Variants in CADPS observed in about 807,000 individuals in gnomAD.
The protein encoded by CADPS is calcium dependent secretion activator.
CADPS carries 57 observed loss-of-function variants against 167.3 expected under a neutral mutation model. That is an observed-to-expected ratio of 0.34 (90% CI 0.28 to 0.42). CADPS has a LOEUF of 0.42. Ranked by LOEUF, CADPS falls within the 20% of genes least tolerant of loss-of-function variation. The probability of loss-of-function intolerance (pLI) is 1.00; values close to 1 mark genes in which losing one functional copy is unlikely to be tolerated. For missense variants in CADPS, 1,414 were observed against 1,738.1 expected (o/e 0.81, Z 3.32); for synonymous variants, 676 against 635.3 (o/e 1.06, Z -0.96).
chr3:62,533,149 G>T, intron 12 of CADPS, 91 bp from the exon 13 acceptor site: 1 of 1,079,952 alleles, frequency 9.3e-7, no homozygotes. Context: ...GAAGGGGACT[G>T]AAAAATAGCC....
At chr3:62,475,204 T>C (rs1173525420) in intron 23 of CADPS, among the ~76,000 whole-genome samples, 1 of 152,168 alleles carries the variant, frequency 6.6e-6, no homozygotes, top group African/African-American at 2.4e-5. Flanking sequence ...TAGCCTGACA[T>C]GGCCAGCTGG....
intron 17 of CADPS, among the ~76,000 whole-genome samples, chr3:62,502,729 T>C (rs1421034726): frequency 6.6e-6 from 1 of 152,074 alleles, no homozygotes; most frequent in Non-Finnish European, 1.5e-5. Context: ...AGAGGAATGA[T>C]GAAAGTTTAC....
chr3:62,494,196 G>A (rs2151149004), intron 18 of CADPS, among the ~76,000 whole-genome samples: 1 of 152,292 alleles, frequency 6.6e-6, no homozygotes, highest in African/African-American at 2.4e-5. Flanking sequence ...GAACCGATGA[G>A]GTTTTATTGT....
In CADPS at chr3:62,771,383, T is replaced by A. The variant is rs1293155453; in HGVS notation, c.442-5399A>T. 2.6e-5 allele frequency among the ~76,000 whole-genome samples: 4 copies of A among 152,290 alleles called. No homozygotes were observed. In the East Asian group the frequency reaches 7.7e-4, roughly 30 times the overall value. ...TTCTTAACACCCTTTGCCAACTGCA[T>A]GAGTGAATGAAAATCTTACTTAGAA... On this transcript the variant is annotated intron_variant, in intron 1 of 29. Coordinates refer to ENST00000383710, the MANE Select transcript of CADPS (RefSeq NM_003716.4).
rs568232900 is a variant in CADPS at position 62,446,049 on chromosome 3, T to C, written c.3637-252A>G. ...GTTGCTGGAGCGGGAGCTTTACATT[T>C]TCCTCCCTCCCTCTGAAAAAAAGTA... On this transcript the variant is annotated intron_variant, in intron 26 of 29. Transcript: ENST00000383710. The surrounding 1 kb of genome is among the most constrained non-coding windows in gnomAD (Gnocchi z 4.9). Among the ~76,000 whole-genome samples, 13 of 152,330 alleles carry C rather than the reference T, an allele frequency of 8.5e-5. No individual in the cohort carries two copies. The highest frequency in any genetic ancestry group is 7.2e-4 in the Admixed American group (11 of 15,304).
At chr3:62,471,455 T>A in intron 24 of CADPS, among the ~76,000 whole-genome samples, 1 of 152,158 alleles carries the variant, frequency 6.6e-6, no homozygotes, top group African/African-American at 2.4e-5. Context: ...ATACCTTTTT[T>A]TATATTCTCA....
chr3:62,593,664 A>T (rs1442963153), intron 6 of CADPS, among the ~76,000 whole-genome samples: 1 of 152,052 alleles, frequency 6.6e-6, no homozygotes, highest in Non-Finnish European at 1.5e-5. Context: ...GCCATCTCAG[A>T]CCTGTTACAT....
rs529004396 is a variant in CADPS at position 62,719,545 on chromosome 3, G to A, written c.888+33896C>T. Among the ~76,000 whole-genome samples, 3 of 152,324 alleles carry A rather than the reference G, an allele frequency of 2.0e-5. No homozygotes were observed. In the South Asian group the frequency reaches 6.2e-4, roughly 32 times the overall value. On this transcript the variant is annotated intron_variant, in intron 3 of 29. Transcript: ENST00000383710. ...TCTTCCTCAATGATCTGTATGGTAT[G>A]CAGTGCAAGGACTTTACCTGTGTTT... is the stretch of plus-strand genomic sequence containing the variant.
intron 17 of CADPS, among the ~76,000 whole-genome samples, chr3:62,511,893 TAA>T (rs1325707515): frequency 6.6e-6 from 1 of 152,156 alleles, no homozygotes; most frequent in African/African-American, 2.4e-5. Context: ...ATTTGTCTAA[TAA>T]ATGAATGAAT....
At position 62,856,865 on chromosome 3, in the gene CADPS, A is replaced by T. The variant is rs1240865770; in HGVS notation, c.441+17724T>A. Among the ~76,000 whole-genome samples, 4 of 118,636 alleles carry T rather than the reference A, an allele frequency of 3.4e-5. No individual in the cohort carries two copies. In the East Asian group the frequency reaches 6.5e-4, roughly 19 times the overall value. The allele number at this position is 118,636 out of a possible 152,430, so 77.8% of individuals were successfully genotyped here. A position where few individuals can be genotyped will look rare whatever the true frequency, so the allele number is the denominator to read the frequency against. On this transcript the variant is annotated intron_variant, in intron 1 of 29. Coordinates refer to ENST00000383710, the MANE Select transcript of CADPS (RefSeq NM_003716.4). Reference sequence around the variant, plus strand: ...TCAAATGAGTAAAAAATATAAAGGTAAAAAAAAAAAACACTATAAGTAGTA... The same window carrying T: ...TCAAATGAGTAAAAAATATAAAGGTTAAAAAAAAAAACACTATAAGTAGTA...
At chr3:62,807,321 G>A (rs1438915161) in intron 1 of CADPS, among the ~76,000 whole-genome samples, 1 of 101,606 alleles carries the variant, frequency 9.8e-6, no homozygotes, top group Non-Finnish European at 2.5e-5. Flanking sequence ...GAGGGCACTG[G>A]CGTGATCTCA....
intron 3 of CADPS, among the ~76,000 whole-genome samples, chr3:62,709,776 A>C (rs1177045796): frequency 6.6e-6 from 1 of 151,574 alleles, no homozygotes; most frequent in African/African-American, 2.4e-5. Flanking sequence ...TTATGTATTT[A>C]TTATTTTTTT....
At position 62,485,281 on chromosome 3, in the gene CADPS, C is replaced by T. The variant is rs377719250; in HGVS notation, c.3027-3412G>A. Among the ~76,000 whole-genome samples the T allele has an allele frequency of 5.1e-3, 777 of 152,170 alleles. 3 individuals are homozygous for T. The highest frequency in any genetic ancestry group is 8.0e-3 in the Non-Finnish European group (541 of 67,994). On this transcript the variant is annotated intron_variant, in intron 21 of 29. Transcript: ENST00000383710. Reference sequence around the variant, plus strand: ...TGGGACTTTAGAACCTCCCAAACATCTCTCCAACTTTATGGCTTGCCTTTG... The same window carrying T: ...TGGGACTTTAGAACCTCCCAAACATTTCTCCAACTTTATGGCTTGCCTTTG...
intron 13 of CADPS, among the ~76,000 whole-genome samples, chr3:62,527,651 C>A (rs1386247142): frequency 6.6e-6 from 1 of 152,164 alleles, no homozygotes; most frequent in Non-Finnish European, 1.5e-5. Flanking sequence ...GTTTCCAGAG[C>A]AGTTGGGAGA....
In CADPS at chr3:62,478,168, CT is replaced by C; in HGVS notation, c.3329+92del. 2 of 1,385,236 alleles carry C rather than the reference CT, an allele frequency of 1.4e-6. No individual in the cohort carries two copies. The highest frequency in any genetic ancestry group is 2.0e-6 in the Non-Finnish European group (2 of 995,172). The allele number at this position is 1,385,236 out of a possible 1,614,324, so 85.8% of individuals were successfully genotyped here. On this transcript the variant is annotated intron_variant, in intron 23 of 29. Coordinates refer to ENST00000383710, the MANE Select transcript of CADPS (RefSeq NM_003716.4). The surrounding 1 kb of genome is among the most constrained non-coding windows in gnomAD (Gnocchi z 5.7). ...ATCCCCTTCTCCAATTAGTTTCAAA[CT>C]ACAGCCAATTGAAAGAGCAGCCATC...
chr3:62,400,681 C>A lies in CADPS; in HGVS notation c.3883-1096G>T, dbSNP rs192213795. Reference sequence around the variant, plus strand: ...GCAGATCGATCTCGGCTCACTGCAACCTCCACCCCCTGGGTTCAAACGATT... The same window carrying A: ...GCAGATCGATCTCGGCTCACTGCAAACTCCACCCCCTGGGTTCAAACGATT... On this transcript the variant is annotated intron_variant, in intron 29 of 29. Coordinates refer to ENST00000383710, the MANE Select transcript of CADPS (RefSeq NM_003716.4). Among the ~76,000 whole-genome samples the A allele has an allele frequency of 2.5e-4, 37 of 149,830 alleles. No homozygotes were observed. In the East Asian group the frequency reaches 6.3e-3, roughly 26 times the overall value.
intron 13 of CADPS, among the ~76,000 whole-genome samples, chr3:62,520,292 G>A (rs570966061): frequency 1.6e-3 from 246 of 152,272 alleles, no homozygotes; most frequent in South Asian, 0.01. Flanking sequence ...TGTCTGAGAT[G>A]ATAAAAACTG....
At chr3:62,613,885 C>A (rs890818259) in intron 6 of CADPS, among the ~76,000 whole-genome samples, 1 of 152,054 alleles carries the variant, frequency 6.6e-6, no homozygotes, top group Non-Finnish European at 1.5e-5. Flanking sequence ...TGGGATTTAT[C>A]TGGGAGATGC....
At chr3:62,513,846 A>C in intron 16 of CADPS, 1 of 595,524 alleles carries the variant, frequency 1.7e-6, no homozygotes, top group South Asian at 2.1e-5. Context: ...GATAAAAGAA[A>C]AAGGAGCTTC....
Sources: allele counts gnomAD v4.1 joint callset (sites outside exome capture counted in the v4.1 genomes callset), GRCh38; gene constraint gnomAD v4.1.1; non-coding constraint Gnocchi (gnomAD v3.1); transcripts MANE v1.5; gene names NCBI Gene and HGNC (gene_info 2026-07-23, HGNC 2026-07-21).